The following PCBP3 variants were observed in gnomAD, a reference collection of about 807,000 sequenced individuals.
PCBP3 encodes poly(rC) binding protein 3, also known as poly(rC)-binding protein 3.
In PCBP3, 25 loss-of-function variants were observed where a neutral mutation model predicts 52.7. The ratio of observed to expected loss-of-function variants is 0.47; its 90% CI spans 0.35 to 0.66. The LOEUF is 0.66. Among genes scored for constraint, PCBP3 ranks in the 30% least tolerant of loss-of-function variants. The pLI is 0.01. For synonymous variants in PCBP3, 162 were observed against 183.0 expected, an observed-to-expected ratio of 0.89 and a Z score of 0.93; for missense variants, 391 against 490.3, an observed-to-expected ratio of 0.80 and a Z score of 1.91.
chr21:45,863,305 C>T (rs2094577432), intron 5 of PCBP3, among the ~76,000 whole-genome samples: 1 of 152,218 alleles, frequency 6.6e-6, no homozygotes, highest in South Asian at 2.1e-4. Context: ...ATGCCTACGC[C>T]ACCCATGGCA....
At chr21:45,868,677 C>G (rs2094864926) in intron 5 of PCBP3, among the ~76,000 whole-genome samples, 1 of 152,226 alleles carries the variant, frequency 6.6e-6, no homozygotes, top group African/African-American at 2.4e-5. Context: ...GCCAGACTTC[C>G]AGAAACATTG....
intron 4 of PCBP3, chr21:45,761,938 G>C (rs1309650088): frequency 2.0e-5 from 3 of 152,276 alleles, no homozygotes; most frequent in Non-Finnish European, 2.9e-5. Flanking sequence ...GTCTCTCTCT[G>C]TGCAACTCTT....
At chr21:45,908,257 A>G (rs953445771) in intron 9 of PCBP3, among the ~76,000 whole-genome samples, 1 of 152,132 alleles carries the variant, frequency 6.6e-6, no homozygotes, top group African/African-American at 2.4e-5. Flanking sequence ...ACATGGCCCC[A>G]TGAGAGCGGG....
intron 6 of PCBP3, among the ~76,000 whole-genome samples, chr21:45,898,031 C>A (rs894044695): frequency 1.3e-5 from 2 of 152,172 alleles, no homozygotes; most frequent in African/African-American, 2.4e-5. Flanking sequence ...CGGGAAGACA[C>A]GGCCTCCTCC....
At chr21:45,933,462 G>A (rs1359814761) in intron 15 of PCBP3, among the ~76,000 whole-genome samples, 3 of 152,176 alleles carry the variant, frequency 2.0e-5, no homozygotes, top group Non-Finnish European at 4.4e-5. Flanking sequence ...CAACAGGTCT[G>A]GCTCACTCCT....
intron 4 of PCBP3, among the ~76,000 whole-genome samples, chr21:45,824,244 C>T (rs1276975568): frequency 3.3e-5 from 5 of 152,182 alleles, no homozygotes; most frequent in Non-Finnish European, 2.9e-5. Context: ...GTCTAAGGAT[C>T]ACATCACTGC....
chr21:45,695,807 G>A (rs145840778), intron 2 of PCBP3, among the ~76,000 whole-genome samples: 1 of 152,220 alleles, frequency 6.6e-6, no homozygotes, highest in Non-Finnish European at 1.5e-5. Flanking sequence ...CCAGCCAGGT[G>A]CGTTGGCTCA....
rs1363694280 is a variant in PCBP3 at position 45,750,288 on chromosome 21, C to CCA, written c.-161-5128_-161-5127dup. The CCA allele has an allele frequency of 6.6e-5, 10 of 152,208 alleles. No individual in the cohort carries two copies. The East Asian group carries it at 1.9e-3, about 29-fold the overall frequency. 9.4% of individuals were successfully genotyped at this position (152,208 alleles called of 1,614,324 possible). ...AAATCCTGCATCTTGTGACGTTTCCCCAGGACTTAGCCGTGGTTGGTTTCT... is the reference window on the plus strand; with the variant it reads ...AAATCCTGCATCTTGTGACGTTTCCCCACAGGACTTAGCCGTGGTTGGTTTCT... On this transcript the variant is annotated intron_variant, in intron 3 of 17. Coordinates refer to ENST00000681687, the MANE Select transcript of PCBP3 (RefSeq NM_001384156.1).
At chr21:45,930,021 T>A (rs770555797) in intron 14 of PCBP3, 26 bp downstream of exon 14, 2 of 1,506,792 alleles carry the variant, frequency 1.3e-6, no homozygotes, top group Non-Finnish European at 9.2e-7. Flanking sequence ...TTTTCTCACC[T>A]CCTTCTCTTC....
rs1603446226 is a variant in PCBP3 at position 45,829,892 on chromosome 21, C to T, written c.-125-20069C>T. The T allele has an allele frequency of 2.0e-5, 3 of 152,726 alleles. No individual in the cohort carries two copies. Among genetic ancestry groups the T allele is most frequent in the East Asian group, 1.9e-4 (1 of 5,186 alleles). 9.5% of individuals were successfully genotyped at this position (152,726 alleles called of 1,614,324 possible). A position where few individuals can be genotyped will look rare whatever the true frequency, so the allele number is the denominator to read the frequency against. On this transcript the variant is annotated intron_variant, in intron 4 of 17. Coordinates refer to ENST00000681687, the MANE Select transcript of PCBP3 (RefSeq NM_001384156.1). This position sits in a 1 kb window ranked among gnomAD's most constrained non-coding sequence, Gnocchi z 5.2. ...CAGGCATGTTCTTCAAGTGGGCCCTCATCCTGGCAATCTCACCATGCCATG... is the reference window on the plus strand; with the variant it reads ...CAGGCATGTTCTTCAAGTGGGCCCTTATCCTGGCAATCTCACCATGCCATG...
chr21:45,833,733 G>A (rs2093511098), intron 4 of PCBP3, among the ~76,000 whole-genome samples: 1 of 152,180 alleles, frequency 6.6e-6, no homozygotes, highest in African/African-American at 2.4e-5. Context: ...TAAGAGCTCT[G>A]GAAGGATTGT....
intron 4 of PCBP3, among the ~76,000 whole-genome samples, chr21:45,820,034 C>A (rs1473423356): frequency 6.6e-6 from 1 of 152,262 alleles, no homozygotes; most frequent in Non-Finnish European, 1.5e-5. Context: ...GTTTGCTCTA[C>A]ACCGCAGGAC....
At chr21:45,938,606 G>A (rs1286194136) in intron 16 of PCBP3, among the ~76,000 whole-genome samples, 1 of 152,248 alleles carries the variant, frequency 6.6e-6, no homozygotes. Context: ...GGGCTGGACT[G>A]CGGGTGGGGC....
chr21:45,789,208 G>T (rs1387460683), intron 4 of PCBP3, among the ~76,000 whole-genome samples: 1 of 152,202 alleles, frequency 6.6e-6, no homozygotes. Flanking sequence ...GTCTGCACAT[G>T]CAAATGTGCA....
intron 3 of PCBP3, among the ~76,000 whole-genome samples, chr21:45,754,330 C>T (rs1195255378): frequency 6.6e-6 from 1 of 152,100 alleles, no homozygotes; most frequent in Non-Finnish European, 1.5e-5. Context: ...AAATTATGTC[C>T]TGGAAATCTA....
chr21:45,748,397 G>A lies in PCBP3; in HGVS notation c.-161-7020G>A, dbSNP rs371528128. 1.2e-4 allele frequency among the ~76,000 whole-genome samples: 19 copies of A among 152,312 alleles called. No individual in the cohort carries two copies. The South Asian group carries it at 2.9e-3, about 23-fold the overall frequency. On this transcript the variant is annotated intron_variant, in intron 3 of 17. Transcript: ENST00000681687. Reference sequence around the variant, plus strand: ...TCACAGAGGCCACCCTGTCTTTGGCGATGAAGGGCAGTCAGTGATAGACTC... The same window carrying A: ...TCACAGAGGCCACCCTGTCTTTGGCAATGAAGGGCAGTCAGTGATAGACTC...
chr21:45,687,279 GA>G, intron 2 of PCBP3, among the ~76,000 whole-genome samples: 1 of 152,012 alleles, frequency 6.6e-6, no homozygotes, highest in Non-Finnish European at 1.5e-5. Flanking sequence ...AGACTTTCCA[GA>G]AAAACAAAAG....
At chr21:45,743,339 C>T (rs2086586582) in intron 3 of PCBP3, among the ~76,000 whole-genome samples, 3 of 152,196 alleles carry the variant, frequency 2.0e-5, no homozygotes, top group Admixed American at 2.0e-4. Flanking sequence ...ATGAAGTATG[C>T]TCCCTGTAGC....
At chr21:45,671,633 T>C (rs2081182180) in intron 2 of PCBP3, among the ~76,000 whole-genome samples, 1 of 152,186 alleles carries the variant, frequency 6.6e-6, no homozygotes, top group Non-Finnish European at 1.5e-5. Flanking sequence ...AGAAAGAACC[T>C]GTTACAGGAT....
Sources: allele counts gnomAD v4.1 joint callset (sites outside exome capture counted in the v4.1 genomes callset), GRCh38; gene constraint gnomAD v4.1.1; non-coding constraint Gnocchi (gnomAD v3.1); transcripts MANE v1.5; gene names NCBI Gene and HGNC (gene_info 2026-07-23, HGNC 2026-07-21).